Variants in NLGN3 observed in about 807,000 individuals in gnomAD.
The protein encoded by NLGN3 is neuroligin 3, also known as neuroligin-3.
In NLGN3, 11 loss-of-function variants were observed where a neutral mutation model predicts 42.9. That is an observed-to-expected ratio of 0.26 (90% CI 0.16 to 0.42). The LOEUF (loss-of-function observed/expected upper bound fraction) is 0.42. Among genes scored for constraint, NLGN3 ranks in the 10% least tolerant of loss-of-function variants. NLGN3 has a pLI of 1.00. For synonymous variants in NLGN3, 279 were observed against 312.7 expected, an observed-to-expected ratio of 0.89 and a Z score of 1.14; for missense variants, 374 against 733.8, an observed-to-expected ratio of 0.51 and a Z score of 5.67.
In NLGN3 at chrX:71,159,252, C is replaced by T. The variant is rs779578732; in HGVS notation, c.727+3889C>T. Among the ~76,000 whole-genome samples the T allele has an allele frequency of 6.4e-5, 7 of 108,896 alleles. No individual in the cohort carries two copies. In the South Asian group the frequency reaches 1.2e-3, roughly 18 times the overall value. The allele number at this position is 108,896 out of a possible 115,157, so 94.6% of individuals were successfully genotyped here. On this transcript the variant is annotated intron_variant, in intron 5 of 7. Transcript: ENST00000358741. ...AGGAGAATTGCTTGAACCTGGGAGG[C>T]GGAAGTTGCAATGAGCCAAGATCGT...
At chrX:71,156,946 G>A (rs1159044997) in intron 5 of NLGN3, among the ~76,000 whole-genome samples, 2 of 111,544 alleles carry the variant, frequency 1.8e-5, no homozygotes, top group East Asian at 5.6e-4. Context: ...CTATGGCCAA[G>A]GTCTTGAGGT....
Position 71,155,351 on chromosome X carries a change from G to C in NLGN3, c.715G>C (p.Val239Leu). ...NVIVITLNYR[V>L]GVLGFLSTGD... ...CATCGTCATCACCCTCAACTATCGG[G>C]TTGGAGTGCTAGGTATGGTTCCCTG... Residue 239 changes from valine (V) to leucine (L), a missense_variant, in exon 5 of 8, where the codon GTT becomes CTT. Transcript: ENST00000358741. 1 of 1,212,346 alleles carries C rather than the reference G, an allele frequency of 8.2e-7. No homozygotes were observed. Among genetic ancestry groups the C allele is most frequent in the Non-Finnish European group, 1.1e-6 (1 of 895,590 alleles).
At chrX:71,165,512 A>G (rs1038517446) in intron 6 of NLGN3, among the ~76,000 whole-genome samples, 18 of 108,834 alleles carry the variant, frequency 1.7e-4, no homozygotes, top group African/African-American at 6.0e-4. Context: ...GTGTCTCTGG[A>G]GGTTTGACTT....
intron 4 of NLGN3, among the ~76,000 whole-genome samples, chrX:71,153,955 T>C (rs907262238): frequency 2.7e-5 from 3 of 111,503 alleles, no homozygotes; most frequent in African/African-American, 9.8e-5. Flanking sequence ...ACAGGGAGCC[T>C]GGCTTCTGGG....
chrX:71,164,264 T>C lies in NLGN3; in HGVS notation c.849T>C (p.Thr283=), dbSNP rs1463667477. ...TCGGGGGAGACCCCCGCCGGATCAC[T>C]GTCTTTGGCTCGGGCATTGGTGCAT... ...AFFGGDPRRI[T]VFGSGIGASC... is the part of the protein sequence containing the mutation. The change falls in exon 6 of 8, where the codon ACT becomes ACC. Residue 283 remains threonine (T), a synonymous_variant. Coordinates refer to ENST00000358741, the MANE Select transcript of NLGN3 (RefSeq NM_181303.2). The C allele has an allele frequency of 1.6e-6, 2 of 1,212,377 alleles. No individual in the cohort carries two copies. The highest frequency in any genetic ancestry group is 3.0e-5 in the East Asian group (1 of 33,853).
At chrX:71,149,034 G>A (rs1364185451) in intron 3 of NLGN3, 129 bp downstream of exon 3, 8 of 395,330 alleles carry the variant, frequency 2.0e-5, no homozygotes, top group Middle Eastern at 6.6e-4. Flanking sequence ...AGGCATAAGC[G>A]CCACCTCATC....
chrX:71,147,106 T>C (rs1789537208), intron 1 of NLGN3, among the ~76,000 whole-genome samples: 1 of 111,213 alleles, frequency 9.0e-6, no homozygotes, highest in Admixed American at 9.5e-5. Context: ...CGGAGTGAGG[T>C]TGACAATCCC....
At chrX:71,173,230 G>C (rs2147921430), downstream of NLGN3, among the ~76,000 whole-genome samples, 1 of 111,147 alleles carries the variant, frequency 9.0e-6, no homozygotes, top group East Asian at 2.8e-4. Context: ...CTCTATTTTG[G>C]GAAGATTTAG....
intron 5 of NLGN3, among the ~76,000 whole-genome samples, chrX:71,158,062 T>TTTAA (rs576978048): frequency 4.3e-3 from 462 of 108,432 alleles, no homozygotes; most frequent in African/African-American, 5.3e-3. Flanking sequence ...ACTTTCTTTT[T>TTTAA]TTAATTAATT....
rs762074084 is a variant in NLGN3 at position 71,166,966 on chromosome X, TG to T, written c.914-44del. ...AAAGGAATGAAGAGATTTATGGCTATGTGTGACACGACAGATCTGACCTGGT... is the reference window on the plus strand; with the variant it reads ...AAAGGAATGAAGAGATTTATGGCTATTGTGACACGACAGATCTGACCTGGT... On this transcript the variant is annotated intron_variant, in intron 6 of 7. Transcript: ENST00000358741. 1.2e-4 allele frequency: 129 copies of T among 1,068,603 alleles called. 1 individual carries two copies. Among genetic ancestry groups the T allele is most frequent in the Non-Finnish European group, 1.6e-4 (127 of 787,972 alleles). The allele number at this position is 1,068,603 out of a possible 1,213,427, so 88.1% of individuals were successfully genotyped here. A position where few individuals can be genotyped will look rare whatever the true frequency, so the allele number is the denominator to read the frequency against.
At chrX:71,174,265 TTGTC>T (rs769246015), downstream of NLGN3, among the ~76,000 whole-genome samples, 54 of 111,644 alleles carry the variant, frequency 4.8e-4, no homozygotes, top group Admixed American at 3.0e-3. Flanking sequence ...CTGCATCTCA[TTGTC>T]TGAGTCAGTA....
chrX:71,169,759 C>T lies in NLGN3; in HGVS notation c.2209C>T (p.Arg737Cys), dbSNP rs752937420. The T allele has an allele frequency of 1.2e-5, 14 of 1,209,904 alleles. No homozygotes were observed. The East Asian group carries it at 1.2e-4, about 10-fold the overall frequency. The change falls in exon 8 of 8, where the codon CGC (arginine) becomes TGC (cysteine). Residue 737 changes from arginine (R) to cysteine (C), a missense_variant. Arg to Cys is a radical substitution (Grantham distance 180). Transcript: ENST00000358741. ...AALYYRKDKR[R>C]QEPLRQPSPQ... ...CCTCTACTACCGTAAGGACAAACGG[C>T]GCCAGGAGCCCCTGCGGCAGCCTAG... is the stretch of plus-strand genomic sequence containing the variant.
intron 7 of NLGN3, among the ~76,000 whole-genome samples, chrX:71,168,968 C>T (rs1285133667): frequency 9.1e-6 from 1 of 109,840 alleles, no homozygotes; most frequent in Non-Finnish European, 1.9e-5. Flanking sequence ...TATTAGGGGG[C>T]TCCTGGCAAA....
Position 71,156,979 on chromosome X carries a change from G to A in NLGN3, c.727+1616G>A, listed in dbSNP as rs367674304. Among the ~76,000 whole-genome samples the A allele has an allele frequency of 8.1e-5, 9 of 111,045 alleles. No homozygotes were observed. In the South Asian group the frequency reaches 1.9e-3, roughly 23 times the overall value. On this transcript the variant is annotated intron_variant, in intron 5 of 7. Coordinates refer to ENST00000358741, the MANE Select transcript of NLGN3 (RefSeq NM_181303.2). ...GGTAAACGAGTGCCTCAGAGAGGGT[G>A]ACTAAGCACACAGGGCCCTGCTCAT...
Position 71,161,447 on chromosome X carries a change from A to G in NLGN3, c.728-2696A>G, listed in dbSNP as rs751222482. On this transcript the variant is annotated intron_variant, in intron 5 of 7. Transcript: ENST00000358741. Reference sequence around the variant, plus strand: ...GCATTTCAAGCAGGACTCTTCATGGAGTAGGGATCATTGACATGGCATCAT... The same window carrying G: ...GCATTTCAAGCAGGACTCTTCATGGGGTAGGGATCATTGACATGGCATCAT... Among the ~76,000 whole-genome samples, 4 of 110,314 alleles carry G rather than the reference A, an allele frequency of 3.6e-5. No individual in the cohort carries two copies. In the East Asian group the frequency reaches 8.7e-4, roughly 24 times the overall value.
chrX:71,167,905 C>G, intron 7 of NLGN3, 105 bp downstream of exon 7: 1 of 734,754 alleles, frequency 1.4e-6, no homozygotes, highest in Non-Finnish European at 2.1e-6. Context: ...AAGATATTCC[C>G]AAAATCTTGC....
intron 5 of NLGN3, among the ~76,000 whole-genome samples, chrX:71,160,303 G>A (rs777880345): frequency 9.8e-6 from 1 of 102,182 alleles, no homozygotes; most frequent in East Asian, 3.1e-4. Context: ...TACAACCTCC[G>A]CCTCCCCGGT....
Position 71,169,965 on chromosome X carries a change from C to G in NLGN3, c.2415C>G (p.Leu805=). The G allele has an allele frequency of 8.3e-7, 1 of 1,208,248 alleles. No individual in the cohort carries two copies. Among genetic ancestry groups the G allele is most frequent in the Non-Finnish European group, 1.1e-6 (1 of 893,824 alleles). The change falls in exon 8 of 8, where the codon CTC becomes CTG. Residue 805 remains leucine, a synonymous_variant. Coordinates refer to ENST00000358741, the MANE Select transcript of NLGN3 (RefSeq NM_181303.2). ...TLRRSPDDIP[L]MTPNTITMIP... Reference sequence around the variant, plus strand: ...GGCGCTCCCCGGATGACATCCCACTCATGACCCCCAACACCATCACTATGA... The same window carrying G: ...GGCGCTCCCCGGATGACATCCCACTGATGACCCCCAACACCATCACTATGA...
At position 71,158,403 on chromosome X, in the gene NLGN3, A is replaced by G. The variant is rs1278493655; in HGVS notation, c.727+3040A>G. Among the ~76,000 whole-genome samples, 3 of 112,294 alleles carry G rather than the reference A, an allele frequency of 2.7e-5. No homozygotes were observed. The Admixed American group carries it at 2.8e-4, about 11-fold the overall frequency. On this transcript the variant is annotated intron_variant, in intron 5 of 7. Coordinates refer to ENST00000358741, the MANE Select transcript of NLGN3 (RefSeq NM_181303.2). ...CCCGGCTGGGCTGCACAGTTTCTAG[A>G]GAGGAATGAACGCGCAAATGTGATC...
Sources: gnomAD v4.1 joint callset for allele counts (sites outside exome capture counted in the v4.1 genomes callset) on GRCh38, gnomAD v4.1.1 for gene constraint, MANE v1.5 for transcripts, NCBI Gene and HGNC (gene_info 2026-07-23, HGNC 2026-07-21) for gene names.